Variants in EDIL3 observed in about 807,000 individuals in gnomAD.
EDIL3 encodes the protein EGF-like repeat and discoidin I-like domain-containing protein 3.
In EDIL3, 37 loss-of-function variants were observed where a neutral mutation model predicts 67.4. The observed-to-expected ratio is 0.55, with a 90% confidence interval of 0.42 to 0.72. EDIL3 has a LOEUF of 0.72. Among genes scored for constraint, EDIL3 ranks in the 30% least tolerant of loss-of-function variants. EDIL3 has a pLI of 0.00. For missense variants in EDIL3, 527 were observed against 586.3 expected (o/e 0.90, Z 1.04); for synonymous variants, 195 against 196.3 (o/e 0.99, Z 0.05).
intron 1 of EDIL3, among the ~76,000 whole-genome samples, chr5:84,272,074 T>C (rs1745482111): frequency 6.6e-6 from 1 of 152,218 alleles, no homozygotes; most frequent in Non-Finnish European, 1.5e-5. Context: ...TGCAAGCATA[T>C]GCAATAACAA....
intron 6 of EDIL3, among the ~76,000 whole-genome samples, chr5:84,104,685 G>T (rs1226197364): frequency 1.3e-5 from 2 of 151,916 alleles, no homozygotes; most frequent in East Asian, 1.9e-4. Context: ...GTTCTTAAGA[G>T]AATAAATCTA....
At chr5:84,375,908 T>C (rs1192439663) in intron 1 of EDIL3, among the ~76,000 whole-genome samples, 1 of 152,202 alleles carries the variant, frequency 6.6e-6, no homozygotes, top group Non-Finnish European at 1.5e-5. Flanking sequence ...TTTTAAATTA[T>C]TGTCCCAAGA....
chr5:84,101,406 G>A (rs758523644), intron 6 of EDIL3, among the ~76,000 whole-genome samples: 3 of 151,860 alleles, frequency 2.0e-5, no homozygotes, highest in Non-Finnish European at 4.4e-5. Context: ...AATTCAAGAG[G>A]TTGTTACTGA....
chr5:84,137,485 G>C (rs1408745437), intron 4 of EDIL3, 131 bp from the exon 5 acceptor site: 2 of 668,098 alleles, frequency 3.0e-6, no homozygotes, highest in Non-Finnish European at 4.9e-6. Context: ...GCATGTGTGT[G>C]TTTAGTCAGT....
chr5:84,183,365 T>A lies in EDIL3; in HGVS notation c.227-2844A>T, dbSNP rs568139730. On this transcript the variant is annotated intron_variant, in intron 3 of 10. Transcript: ENST00000296591. ...TGAAATGATAGTGATGTTAGAGTTTTGACTCATCAATTCACTTCAAATGAG... is the reference window on the plus strand; with the variant it reads ...TGAAATGATAGTGATGTTAGAGTTTAGACTCATCAATTCACTTCAAATGAG... Among the ~76,000 whole-genome samples, 26 of 152,264 alleles carry A rather than the reference T, an allele frequency of 1.7e-4. No homozygotes were observed. In the South Asian group the frequency reaches 5.4e-3, roughly 32 times the overall value.
At chr5:84,297,090 G>A (rs1746065484) in intron 1 of EDIL3, among the ~76,000 whole-genome samples, 1 of 149,426 alleles carries the variant, frequency 6.7e-6, no homozygotes, top group Non-Finnish European at 1.5e-5. Flanking sequence ...GCTGAGGCAG[G>A]AGAATGGTGT....
chr5:84,271,797 A>C (rs1454593963), intron 1 of EDIL3, among the ~76,000 whole-genome samples: 1 of 152,158 alleles, frequency 6.6e-6, no homozygotes, highest in Non-Finnish European at 1.5e-5. Flanking sequence ...ATAAAATCTA[A>C]AAGCATTTCC....
intron 1 of EDIL3, among the ~76,000 whole-genome samples, chr5:84,328,154 T>G (rs1746800706): frequency 6.6e-6 from 1 of 152,092 alleles, no homozygotes; most frequent in African/African-American, 2.4e-5. Flanking sequence ...AAACATTTTC[T>G]GAAACATAAA....
At chr5:84,217,721 A>ACACACACAC (rs1744257318) in intron 3 of EDIL3, among the ~76,000 whole-genome samples, 4 of 134,932 alleles carry the variant, frequency 3.0e-5, no homozygotes, top group Non-Finnish European at 6.4e-5. Context: ...TATACACACA[A>ACACACACAC]ACACACACAC....
At chr5:84,048,638 T>C (rs976651045) in intron 9 of EDIL3, among the ~76,000 whole-genome samples, 1 of 152,022 alleles carries the variant, frequency 6.6e-6, no homozygotes, top group African/African-American at 2.4e-5. Context: ...TTCCTGTTAG[T>C]CCTTTATATT....
intron 1 of EDIL3, among the ~76,000 whole-genome samples, chr5:84,311,488 T>C (rs1746388606): frequency 6.6e-6 from 1 of 152,064 alleles, no homozygotes; most frequent in African/African-American, 2.4e-5. Flanking sequence ...GAGAAGGGCA[T>C]GCAAAAGGGC....
At chr5:84,066,150 A>G (rs887039619) in intron 7 of EDIL3, among the ~76,000 whole-genome samples, 5 of 151,910 alleles carry the variant, frequency 3.3e-5, no homozygotes, top group Non-Finnish European at 5.9e-5. Flanking sequence ...TAATCACGAA[A>G]GCAATAAAAA....
At chr5:83,944,541 A>C (rs1744279836) in intron 10 of EDIL3, among the ~76,000 whole-genome samples, 1 of 151,822 alleles carries the variant, frequency 6.6e-6, no homozygotes, top group South Asian at 2.1e-4. Context: ...ATGGCATTAA[A>C]TTATAAATTA....
At chr5:84,296,328 G>A (rs1290142470) in intron 1 of EDIL3, among the ~76,000 whole-genome samples, 4 of 152,060 alleles carry the variant, frequency 2.6e-5, no homozygotes, top group Non-Finnish European at 5.9e-5. Flanking sequence ...ATTTTAGATA[G>A]GTATTTTAAT....
intron 3 of EDIL3, among the ~76,000 whole-genome samples, chr5:84,191,669 C>T (rs2112368321): frequency 6.6e-6 from 1 of 152,106 alleles, no homozygotes; most frequent in South Asian, 2.1e-4. Context: ...TGGATGAAAG[C>T]TTAAGGGATG....
At chr5:84,131,580 A>C (rs911499335) in intron 5 of EDIL3, among the ~76,000 whole-genome samples, 2 of 152,198 alleles carry the variant, frequency 1.3e-5, no homozygotes, top group African/African-American at 2.4e-5. Flanking sequence ...CAACCTATGC[A>C]AATTAATCAC....
chr5:84,046,672 T>C (rs1746229584), intron 9 of EDIL3, among the ~76,000 whole-genome samples: 1 of 152,234 alleles, frequency 6.6e-6, no homozygotes. Context: ...TAAATTTTAC[T>C]CATTGGCATA....
intron 3 of EDIL3, among the ~76,000 whole-genome samples, chr5:84,189,962 G>T (rs990143601): frequency 6.6e-6 from 1 of 151,904 alleles, no homozygotes; most frequent in Non-Finnish European, 1.5e-5. Flanking sequence ...GTATACAGAA[G>T]CCTTTTGTGA....
intron 2 of EDIL3, among the ~76,000 whole-genome samples, chr5:84,251,088 C>T (rs1655962961): frequency 6.6e-6 from 1 of 151,968 alleles, no homozygotes; most frequent in African/African-American, 2.4e-5. Context: ...AAAGCCTTGG[C>T]CAAGCCATTT....
Sources: allele counts gnomAD v4.1 joint callset (sites outside exome capture counted in the v4.1 genomes callset), GRCh38; gene constraint gnomAD v4.1.1; transcripts MANE v1.5; gene names NCBI Gene and HGNC (gene_info 2026-07-23, HGNC 2026-07-21).